The following VPS45 variants were observed in gnomAD, a reference collection of about 807,000 sequenced individuals.
VPS45 encodes vacuolar protein sorting-associated protein 45.
In VPS45, 35 loss-of-function variants were observed where a neutral mutation model predicts 75.9. That is an observed-to-expected ratio of 0.46 (90% CI 0.35 to 0.61). The LOEUF is 0.61. Among genes scored for constraint, VPS45 ranks in the 20% least tolerant of loss-of-function variants. The pLI is 0.00. For missense variants in VPS45, 559 were observed against 685.9 expected, an observed-to-expected ratio of 0.81 and a Z score of 2.07; for synonymous variants, 220 against 238.2, an observed-to-expected ratio of 0.92 and a Z score of 0.70.
intron 14 of VPS45, among the ~76,000 whole-genome samples, chr1:150,137,275 T>C (rs929533480): frequency 2.0e-5 from 3 of 152,224 alleles, no homozygotes; most frequent in Non-Finnish European, 4.4e-5. Flanking sequence ...AGAAAAAGTT[T>C]AGCACACTAG....
intron 14 of VPS45, among the ~76,000 whole-genome samples, chr1:150,119,387 G>C (rs1553809098): frequency 6.6e-6 from 1 of 152,122 alleles, no homozygotes. Context: ...TGAATTATTA[G>C]GGTTTAATTT....
chr1:150,127,943 AGAATTTTATCATTCAATGAT>A (rs1658601754), intron 14 of VPS45, among the ~76,000 whole-genome samples: 2 of 152,340 alleles, frequency 1.3e-5, no homozygotes, highest in African/African-American at 4.8e-5. Flanking sequence ...TTTTATTTTA[AGAATTTTATCATTCAATGAT>A]GATTAAAAAT....
chr1:150,076,132 T>A (rs1483680361), intron 3 of VPS45, 101 bp from the exon 4 acceptor site: 1 of 607,390 alleles, frequency 1.6e-6, no homozygotes, highest in Non-Finnish European at 2.6e-6. Context: ...CCATTCCAAT[T>A]TGAAGGTCAC....
At chr1:150,128,826 G>A (rs1309878557) in intron 14 of VPS45, among the ~76,000 whole-genome samples, 3 of 151,596 alleles carry the variant, frequency 2.0e-5, no homozygotes, top group South Asian at 2.1e-4. Context: ...TGCAACCTCC[G>A]CCTCCCGGGT....
chr1:150,079,140 AT>A (rs1408223033), intron 7 of VPS45, among the ~76,000 whole-genome samples: 1 of 148,998 alleles, frequency 6.7e-6, no homozygotes, highest in East Asian at 2.0e-4. Context: ...CTCAAAAGCC[AT>A]CTCCAACATC....
chr1:150,068,843 A>C, intron 2 of VPS45, 79 bp downstream of exon 2: 1 of 1,320,042 alleles, frequency 7.6e-7, no homozygotes, highest in South Asian at 1.8e-5. Context: ...AGGCAAAATA[A>C]ATTTGTATTA....
intron 7 of VPS45, among the ~76,000 whole-genome samples, chr1:150,078,655 G>T (rs1287086924): frequency 1.3e-5 from 2 of 151,956 alleles, no homozygotes; most frequent in African/African-American, 4.8e-5. Flanking sequence ...CCAGCTACTT[G>T]GGAGGCTGAG....
At chr1:150,076,344 ATGTT>A (rs1391054963) in intron 4 of VPS45, 32 bp downstream of exon 4, 1 of 1,528,666 alleles carries the variant, frequency 6.5e-7, no homozygotes, top group Non-Finnish European at 8.9e-7. Flanking sequence ...CACATCTCGT[ATGTT>A]GGCCCTTTTT....
chr1:150,100,132 C>T (rs1465333492), intron 13 of VPS45, among the ~76,000 whole-genome samples: 1 of 152,204 alleles, frequency 6.6e-6, no homozygotes, highest in Admixed American at 6.5e-5. Flanking sequence ...ACAACTTCAG[C>T]AAAGTTGCAG....
chr1:150,081,255 A>G, intron 7 of VPS45, 87 bp from the exon 8 acceptor site: 1 of 1,307,644 alleles, frequency 7.6e-7, no homozygotes, highest in South Asian at 1.5e-5. Flanking sequence ...TAGTTAAAGA[A>G]TGTTATCAGT....
chr1:150,082,024 A>ATTC, intron 9 of VPS45, 27 bp downstream of exon 9: 1 of 1,440,272 alleles, frequency 6.9e-7, no homozygotes, highest in Non-Finnish European at 9.7e-7. Context: ...CATGAATGAC[A>ATTC]AACATGTGAC....
intron 14 of VPS45, among the ~76,000 whole-genome samples, chr1:150,139,246 C>T (rs1363800146): frequency 2.0e-5 from 3 of 152,166 alleles, no homozygotes; most frequent in African/African-American, 7.2e-5. Context: ...TATATGGTCT[C>T]TCCTTATAGC....
intron 14 of VPS45, among the ~76,000 whole-genome samples, chr1:150,139,612 A>G (rs1259517418): frequency 2.0e-5 from 3 of 152,076 alleles, no homozygotes; most frequent in African/African-American, 7.2e-5. Flanking sequence ...CAATGGGATG[A>G]TCATAGCTCA....
chr1:150,130,331 C>T (rs1486161415), intron 14 of VPS45, among the ~76,000 whole-genome samples: 2 of 149,988 alleles, frequency 1.3e-5, no homozygotes, highest in South Asian at 2.1e-4. Context: ...TGGGACTACA[C>T]GTGTGTACCA....
chr1:150,138,632 C>T (rs782507762), intron 14 of VPS45, among the ~76,000 whole-genome samples: 6 of 152,190 alleles, frequency 3.9e-5, no homozygotes, highest in East Asian at 1.9e-4. Context: ...CCAGTTATGA[C>T]GAGGAAAAAC....
intron 14 of VPS45, among the ~76,000 whole-genome samples, chr1:150,125,552 A>G (rs1658466609): frequency 6.7e-6 from 1 of 149,800 alleles, no homozygotes; most frequent in Admixed American, 6.7e-5. Flanking sequence ...TCGCAAGGAC[A>G]AAAAACCAAA....
chr1:150,102,235 C>CAAAAAAAA (rs1208831311), intron 13 of VPS45, among the ~76,000 whole-genome samples: 2 of 94,674 alleles, frequency 2.1e-5, no homozygotes. Context: ...GAGACTCCGT[C>CAAAAAAAA]AAAAAAAAAA....
intron 14 of VPS45, among the ~76,000 whole-genome samples, chr1:150,111,457 A>G (rs1316415317): frequency 6.6e-6 from 1 of 152,214 alleles, no homozygotes; most frequent in Non-Finnish European, 1.5e-5. Context: ...AGGCTTGGGA[A>G]TTTCTACTTT....
chr1:150,126,788 A>G (rs1051452956), intron 14 of VPS45, among the ~76,000 whole-genome samples: 1 of 152,166 alleles, frequency 6.6e-6, no homozygotes, highest in Admixed American at 6.5e-5. Flanking sequence ...CAACATAGTG[A>G]GACTCCATCT....
Sources: allele counts gnomAD v4.1 joint callset (sites outside exome capture counted in the v4.1 genomes callset), GRCh38; gene constraint gnomAD v4.1.1; transcripts MANE v1.5; gene names NCBI Gene and HGNC (gene_info 2026-07-23, HGNC 2026-07-21).